FZD6: variants seen among roughly 807,000 people sequenced by gnomAD.
The protein encoded by FZD6 is frizzled-6.
FZD6 carries 49 observed loss-of-function variants against 61.4 expected under a neutral mutation model. The ratio of observed to expected loss-of-function variants is 0.80; its 90% confidence interval spans 0.63 to 1.01. The LOEUF is 1.01. FZD6 is among the 50% of genes least tolerant of loss of function. FZD6 has a pLI of 0.00. For synonymous variants in FZD6, 265 were observed against 292.2 expected (o/e 0.91, Z 0.95); for missense variants, 724 against 848.2 (o/e 0.85, Z 1.82).
chr8:103,331,375 C>T lies in FZD6; in HGVS notation c.1987C>T (p.Leu663=), dbSNP rs1815124299. 1 of 1,612,830 alleles carries T rather than the reference C, an allele frequency of 6.2e-7. No homozygotes were observed. The highest frequency in any genetic ancestry group is 2.2e-5 in the East Asian group (1 of 44,874). ...AAAGAGTGATATTACTGACACTGGC[C>T]TGGCACAGAGCAACAATTTGCAGGT... The part of the protein sequence containing the change: ...SPKSDITDTG[L]AQSNNLQVPS... Residue 663 remains leucine (L), a synonymous_variant, in exon 7 of 7, where the codon CTG becomes TTG. Transcript: ENST00000358755.
At position 103,311,136 on chromosome 8, in the gene FZD6, T is replaced by C. The variant is rs1002329195; in HGVS notation, c.178-7454T>C. 2.1e-4 allele frequency among the ~76,000 whole-genome samples: 32 copies of C among 152,080 alleles called. 2 individuals carry two copies. Among genetic ancestry groups the C allele is most frequent in the Admixed American group, 6.6e-5 (1 of 15,264 alleles). On this transcript the variant is annotated intron_variant, in intron 2 of 6. Transcript: ENST00000358755. ...GCATAGCTAAGGTCATACCATAGGA[T>C]TAGTTTGTCACCAGTGCCAATACCA...
chr8:103,317,386 T>TA (rs1279030666), intron 2 of FZD6, among the ~76,000 whole-genome samples: 3 of 152,214 alleles, frequency 2.0e-5, no homozygotes, highest in East Asian at 1.9e-4. Flanking sequence ...AGGATAAACT[T>TA]ACGTTTTAAA....
At chr8:103,318,173 A>C (rs547096553) in intron 2 of FZD6, among the ~76,000 whole-genome samples, 1 of 152,298 alleles carries the variant, frequency 6.6e-6, no homozygotes, top group East Asian at 1.9e-4. Flanking sequence ...TGGGAAATGG[A>C]AGAGGACTAG....
In FZD6 at chr8:103,300,024, C is replaced by T. The variant is rs1412790079; in HGVS notation, c.-84C>T. On this transcript the variant is annotated 5_prime_UTR_variant, in exon 2 of 7. Transcript: ENST00000358755. ...AAAATAGTGAAATGAGGAATTTGAA[C>T]ATTTTATCTTTGGATGGGGATCTTC... 18 of 856,858 alleles carry T rather than the reference C, an allele frequency of 2.1e-5. No homozygotes were observed. The highest frequency in any genetic ancestry group is 1.8e-5 in the Admixed American group (1 of 54,168). The allele number at this position is 856,858 out of a possible 1,614,324, so 53.1% of individuals were successfully genotyped here.
intron 2 of FZD6, among the ~76,000 whole-genome samples, chr8:103,315,621 A>G (rs1814607017): frequency 6.6e-6 from 1 of 152,172 alleles, no homozygotes. Flanking sequence ...GGGGGTGAGG[A>G]GGATGGAAGA....
Position 103,313,760 on chromosome 8 carries a change from C to CTGTGTGTGTGTGTG in FZD6, c.178-4800_178-4787dup, listed in dbSNP as rs58157848. Among the ~76,000 whole-genome samples the CTGTGTGTGTGTGTG allele has an allele frequency of 1.5e-3, 210 of 142,832 alleles. 2 individuals are homozygous for CTGTGTGTGTGTGTG. In the East Asian group the frequency reaches 0.025, roughly 17 times the overall value. The allele number at this position is 142,832 out of a possible 152,430, so 93.7% of individuals were successfully genotyped here. On this transcript the variant is annotated intron_variant, in intron 2 of 6. Transcript: ENST00000358755. ...GGATCTGACCTGAGACTTGATTTTT[C>CTGTGTGTGTGTGTG]TGTGTGTGTGTGTGTGTGTGTGTGT... is the stretch of plus-strand genomic sequence containing the variant.
chr8:103,324,522 C>T lies in FZD6; in HGVS notation c.416C>T (p.Pro139Leu). ...GAGACTGTTCCTGTAACTTTTGATC[C>T]ACACACAGAATTTCTTGGTCCTCAG... is the stretch of plus-strand genomic sequence containing the variant. Reference protein sequence around the residue: ...CDETVPVTFDPHTEFLGPQKK... With the variant: ...CDETVPVTFDLHTEFLGPQKK... Residue 139 changes from proline (P) to leucine (L), a missense_variant, in exon 4 of 7, where the codon CCA becomes CTA. By Grantham distance (98) the Pro-to-Leu change is moderately conservative. Transcript: ENST00000358755. 1 of 1,608,956 alleles carries T rather than the reference C, an allele frequency of 6.2e-7. No homozygotes were observed. The highest frequency in any genetic ancestry group is 8.5e-7 in the Non-Finnish European group (1 of 1,175,640).
rs773575339 is a variant in FZD6, at chr8:103,331,418, C to T, written c.2030C>T (p.Pro677Leu). The change falls in exon 7 of 7, where the codon CCA (proline) becomes CTA (leucine). Residue 677 changes from proline to leucine, a missense_variant. Transcript: ENST00000358755. ...NNLQVPSSSE[P>L]SSLKGSTSLL... Reference sequence around the variant, plus strand: ...TTGCAGGTCCCCAGTTCTTCAGAACCAAGCAGCCTCAAAGGTTCCACATCT... The same window carrying T: ...TTGCAGGTCCCCAGTTCTTCAGAACTAAGCAGCCTCAAAGGTTCCACATCT... 2 of 1,609,734 alleles carry T rather than the reference C, an allele frequency of 1.2e-6. No homozygotes were observed. Among genetic ancestry groups the T allele is most frequent in the Admixed American group, 3.3e-5 (2 of 60,018 alleles).
Position 103,301,183 on chromosome 8 carries a change from T to C in FZD6, c.177+899T>C, listed in dbSNP as rs1427606288. The stretch of plus-strand genomic sequence containing the variant: ...ATTTTGCAGCTTTGAAAGTTTTCTA[T>C]TGTTGTTCAGTTGAATAGTTGTCTG... On this transcript the variant is annotated intron_variant, in intron 2 of 6. Coordinates refer to ENST00000358755, the MANE Select transcript of FZD6 (RefSeq NM_003506.4). Among the ~76,000 whole-genome samples, 12 of 152,336 alleles carry C rather than the reference T, an allele frequency of 7.9e-5. No individual in the cohort carries two copies. The East Asian group carries it at 2.3e-3, about 29-fold the overall frequency.
In FZD6 at chr8:103,328,427, A is replaced by G; in HGVS notation, c.1541+11A>G. Reference sequence around the variant, plus strand: ...AAATCGCAAGAGAGAGTAAGAAACTATTGAATTGTCTGACACAATTTTTAA... The same window carrying G: ...AAATCGCAAGAGAGAGTAAGAAACTGTTGAATTGTCTGACACAATTTTTAA... On this transcript the variant is annotated intron_variant, in intron 5 of 6. Coordinates refer to ENST00000358755, the MANE Select transcript of FZD6 (RefSeq NM_003506.4). 6.3e-7 allele frequency: 1 copy of G among 1,595,828 alleles called. No individual in the cohort carries two copies.
chr8:103,303,637 A>G (rs138223426), intron 2 of FZD6, among the ~76,000 whole-genome samples: 11 of 152,300 alleles, frequency 7.2e-5, no homozygotes, highest in African/African-American at 2.6e-4. Context: ...AGCAAAGGGA[A>G]TTTTCCCTCC....
chr8:103,302,283 G>T (rs1284263991), intron 2 of FZD6, among the ~76,000 whole-genome samples: 2 of 151,954 alleles, frequency 1.3e-5, no homozygotes, highest in Non-Finnish European at 2.9e-5. Flanking sequence ...TTCTCTTTTA[G>T]TTCCTGTATT....
At chr8:103,298,752 G>A, upstream of FZD6, 1 of 151,238 alleles carries the variant, frequency 6.6e-6, no homozygotes, top group Non-Finnish European at 1.4e-5. Context: ...AGCGCAGGCG[G>A]TGCCCGGGCG....
intron 2 of FZD6, among the ~76,000 whole-genome samples, chr8:103,301,225 C>T (rs765719314): frequency 3.9e-5 from 6 of 152,034 alleles, no homozygotes; most frequent in Non-Finnish European, 7.4e-5. Flanking sequence ...TCATTGTGGA[C>T]TCATGTCTGG....
chr8:103,298,773 C>CCCGCCGCCGCCGCCGCCG (rs539743508), upstream of FZD6: 123 of 158,526 alleles, frequency 7.8e-4, no homozygotes, highest in South Asian at 6.3e-3. Context: ...CAGGGCCAGT[C>CCCGCCGCCGCCGCCGCCG]CCGCCGCCGC....
intron 4 of FZD6, among the ~76,000 whole-genome samples, chr8:103,325,795 T>C (rs1431846974): frequency 6.6e-6 from 1 of 152,234 alleles, no homozygotes; most frequent in African/African-American, 2.4e-5. Context: ...ACCTTGACAT[T>C]GGGAGAAAAA....
chr8:103,298,905 G>A lies in FZD6; in HGVS notation c.-243G>A, dbSNP rs955102615. On this transcript the variant is annotated 5_prime_UTR_variant, in exon 1 of 7. Coordinates refer to ENST00000358755, the MANE Select transcript of FZD6 (RefSeq NM_003506.4). ...GGCTCTCGAGGCAGCTCCAGTCCCGGACGCAACCCCGGAGCCGTCTCAGGT... is the reference window on the plus strand; with the variant it reads ...GGCTCTCGAGGCAGCTCCAGTCCCGAACGCAACCCCGGAGCCGTCTCAGGT... The A allele has an allele frequency of 7.2e-4, 110 of 153,738 alleles. 1 individual carries two copies. The highest frequency in any genetic ancestry group is 2.4e-3 in the African/African-American group (101 of 41,570). The allele number at this position is 153,738 out of a possible 1,614,324, so 9.5% of individuals were successfully genotyped here. A position where few individuals can be genotyped will look rare whatever the true frequency, so the allele number is the denominator to read the frequency against.
chr8:103,317,325 C>T (rs531324298), intron 2 of FZD6, among the ~76,000 whole-genome samples: 12 of 152,320 alleles, frequency 7.9e-5, no homozygotes, highest in African/African-American at 2.4e-4. Context: ...TTTAAAGGCT[C>T]ATGGGAATTG....
At position 103,330,041 on chromosome 8, in the gene FZD6, C is replaced by T; in HGVS notation, c.1928C>T (p.Ser643Phe). The T allele has an allele frequency of 1.2e-6, 2 of 1,614,086 alleles. No homozygotes were observed. The highest frequency in any genetic ancestry group is 1.6e-4 in the Middle Eastern group (1 of 6,062). Residue 643 changes from serine to phenylalanine, a missense_variant, in exon 6 of 7, where the codon TCT becomes TTT. Coordinates refer to ENST00000358755, the MANE Select transcript of FZD6 (RefSeq NM_003506.4). ...VDGKGQAGSV[S>F]ESARSEGRIS... ...GGGAAGGGCCAGGCAGGCAGTGTAT[C>T]TGAAAGTGCGCGGAGTGAAGGAAGG...
Sources: gnomAD v4.1 joint callset for allele counts (sites outside exome capture counted in the v4.1 genomes callset) on GRCh38, gnomAD v4.1.1 for gene constraint, MANE v1.5 for transcripts, NCBI Gene and HGNC (gene_info 2026-07-23, HGNC 2026-07-21) for gene names.